SLC35F1: variants seen among roughly 807,000 people sequenced by gnomAD.
The protein encoded by SLC35F1 is solute carrier family 35 member F1, also known as chromosome 6 open reading frame 169.
A neutral mutation model predicts 48.7 loss-of-function variants in SLC35F1; 14 were observed. That is an observed-to-expected ratio of 0.29 (90% CI 0.19 to 0.45). The LOEUF is 0.45. Ranked by LOEUF, SLC35F1 falls within the 20% of genes least tolerant of loss-of-function variation. SLC35F1 has a pLI of 1.00. For synonymous variants in SLC35F1, 190 were observed against 202.2 expected, an observed-to-expected ratio of 0.94 and a Z score of 0.51; for missense variants, 404 against 500.0, an observed-to-expected ratio of 0.81 and a Z score of 1.83.
chr6:118,105,005 C>T (rs927495165), intron 1 of SLC35F1, among the ~76,000 whole-genome samples: 3 of 152,168 alleles, frequency 2.0e-5, no homozygotes, highest in Non-Finnish European at 4.4e-5. Flanking sequence ...TAAAGCCTTC[C>T]CTGTACTGCA....
At chr6:118,060,831 T>A (rs928167850) in intron 1 of SLC35F1, among the ~76,000 whole-genome samples, 16 of 152,200 alleles carry the variant, frequency 1.1e-4, no homozygotes, top group African/African-American at 3.9e-4. Context: ...TCTACAGATG[T>A]GGACATTGAG....
rs55845306 is a variant in SLC35F1, at chr6:118,140,598, A to G, written c.174-13847A>G. On this transcript the variant is annotated intron_variant, in intron 1 of 7. Coordinates refer to ENST00000360388, the MANE Select transcript of SLC35F1 (RefSeq NM_001029858.4). ...TAATCTTTTAGAGTGTATTCCTTATATTTTTTTTTTTGTATAAAAGTTAAC... is the reference window on the plus strand; with the variant it reads ...TAATCTTTTAGAGTGTATTCCTTATGTTTTTTTTTTTGTATAAAAGTTAAC... Among the ~76,000 whole-genome samples, 134 of 149,858 alleles carry G rather than the reference A, an allele frequency of 8.9e-4. 3 individuals carry two copies. In the South Asian group the frequency reaches 0.01, roughly 11 times the overall value.
chr6:118,239,085 G>A (rs561737105), intron 3 of SLC35F1, among the ~76,000 whole-genome samples: 7 of 151,466 alleles, frequency 4.6e-5, no homozygotes, highest in Admixed American at 6.6e-5. Context: ...CTCGTCTCCC[G>A]AGGTGCTTTG....
At position 117,934,172 on chromosome 6, in the gene SLC35F1, G is replaced by A. The variant is rs575454728; in HGVS notation, c.173+26273G>A. ...TAGGATAGGATTCAACTTTTTAACC[G>A]CTCCTTGTAAATCAAACCCATAGCT... On this transcript the variant is annotated intron_variant, in intron 1 of 7. Transcript: ENST00000360388. 1.3e-4 allele frequency among the ~76,000 whole-genome samples: 20 copies of A among 152,142 alleles called. 1 individual carries two copies. The South Asian group carries it at 2.3e-3, about 17-fold the overall frequency.
intron 7 of SLC35F1, among the ~76,000 whole-genome samples, chr6:118,300,928 G>T (rs1004313403): frequency 7.9e-5 from 12 of 152,156 alleles, no homozygotes; most frequent in African/African-American, 2.9e-4. Context: ...CTTCCTTCTG[G>T]ATGCTCATGA....
intron 1 of SLC35F1, among the ~76,000 whole-genome samples, chr6:117,924,026 TAC>T (rs1022015511): frequency 2.0e-5 from 3 of 150,002 alleles, no homozygotes; most frequent in Admixed American, 1.3e-4. Flanking sequence ...TATATACCTA[TAC>T]ACACATAGGT....
chr6:118,077,391 T>C (rs2114312765), intron 1 of SLC35F1, among the ~76,000 whole-genome samples: 1 of 152,318 alleles, frequency 6.6e-6, no homozygotes, highest in East Asian at 1.9e-4. Context: ...AATACAAAAA[T>C]GGACACTACA....
At chr6:118,304,812 T>C (rs1776292959) in intron 7 of SLC35F1, among the ~76,000 whole-genome samples, 1 of 151,334 alleles carries the variant, frequency 6.6e-6, no homozygotes. Flanking sequence ...GGCTTGGAGA[T>C]GTAGGGAACT....
At position 118,124,646 on chromosome 6, in the gene SLC35F1, G is replaced by C. The variant is rs151316924; in HGVS notation, c.174-29799G>C. On this transcript the variant is annotated intron_variant, in intron 1 of 7. Transcript: ENST00000360388. ...AGACCTGCATTGGATAATGTCCCAG[G>C]GTGACCTATCATGACCATTTGAAGG... Among the ~76,000 whole-genome samples, 1,007 of 152,160 alleles carry C rather than the reference G, an allele frequency of 6.6e-3. 8 individuals carry two copies. The highest frequency in any genetic ancestry group is 0.014 in the Middle Eastern group (4 of 294).
intron 1 of SLC35F1, among the ~76,000 whole-genome samples, chr6:118,006,932 T>TGTTTG (rs1777181522): frequency 6.6e-6 from 1 of 152,074 alleles, no homozygotes. Context: ...CTACAAATTA[T>TGTTTG]AAAGAAATAT....
chr6:118,089,963 G>C (rs1290086393), intron 1 of SLC35F1, among the ~76,000 whole-genome samples: 1 of 152,170 alleles, frequency 6.6e-6, no homozygotes, highest in Non-Finnish European at 1.5e-5. Flanking sequence ...AGCTGGTAAT[G>C]TCTTGGAAAC....
chr6:117,979,057 T>C lies in SLC35F1; in HGVS notation c.173+71158T>C, dbSNP rs552122407. 5.9e-4 allele frequency among the ~76,000 whole-genome samples: 90 copies of C among 152,338 alleles called. No homozygotes were observed. The South Asian group carries it at 0.018, about 30-fold the overall frequency. On this transcript the variant is annotated intron_variant, in intron 1 of 7. Coordinates refer to ENST00000360388, the MANE Select transcript of SLC35F1 (RefSeq NM_001029858.4). ...CGCATGCCTAGTGTTATTAATTCTT[T>C]TACACAATGTGAATCCATTTTTCAG... is the stretch of plus-strand genomic sequence containing the variant.
intron 1 of SLC35F1, among the ~76,000 whole-genome samples, chr6:117,916,970 A>G (rs565206713): frequency 2.0e-5 from 3 of 152,364 alleles, no homozygotes; most frequent in East Asian, 1.9e-4. Context: ...TGGAGACTAC[A>G]TTCTACAAGA....
intron 1 of SLC35F1, among the ~76,000 whole-genome samples, chr6:117,932,618 C>A (rs951483017): frequency 2.0e-5 from 3 of 152,154 alleles, no homozygotes; most frequent in South Asian, 2.1e-4. Context: ...CCAAGACATT[C>A]AAATCCTTCA....
At chr6:118,246,268 G>A (rs1298501720) in intron 3 of SLC35F1, among the ~76,000 whole-genome samples, 1 of 152,230 alleles carries the variant, frequency 6.6e-6, no homozygotes, top group South Asian at 2.1e-4. Context: ...TTTTAAAGCT[G>A]ATCACTGACC....
intron 3 of SLC35F1, among the ~76,000 whole-genome samples, chr6:118,253,469 TG>T (rs1775601987): frequency 6.6e-6 from 1 of 152,120 alleles, no homozygotes; most frequent in Admixed American, 6.6e-5. Context: ...ATGGAGACAG[TG>T]GCTAAATGCA....
chr6:117,908,929 C>G (rs564903618), intron 1 of SLC35F1, among the ~76,000 whole-genome samples: 6 of 152,116 alleles, frequency 3.9e-5, no homozygotes, highest in African/African-American at 1.4e-4. Context: ...CGAATTCACA[C>G]GGAACTGTCT....
chr6:118,211,985 C>G (rs553592459), intron 2 of SLC35F1, among the ~76,000 whole-genome samples: 8 of 152,216 alleles, frequency 5.3e-5, no homozygotes, highest in African/African-American at 1.9e-4. Flanking sequence ...TGTTTTGAGC[C>G]AATCAGCATT....
chr6:118,101,228 G>A (rs889373166), intron 1 of SLC35F1, among the ~76,000 whole-genome samples: 3 of 152,158 alleles, frequency 2.0e-5, no homozygotes, highest in Non-Finnish European at 4.4e-5. Flanking sequence ...TCTAAATTAG[G>A]AGGAAGCTAG....
Sources: allele counts gnomAD v4.1 joint callset (sites outside exome capture counted in the v4.1 genomes callset), GRCh38; gene constraint gnomAD v4.1.1; transcripts MANE v1.5; gene names NCBI Gene and HGNC (gene_info 2026-07-23, HGNC 2026-07-21).